The following ADAMTS3 variants were observed in gnomAD, a reference collection of about 807,000 sequenced individuals.
ADAMTS3 encodes A disintegrin and metalloproteinase with thrombospondin motifs 3.
A neutral mutation model predicts 129.0 loss-of-function variants in ADAMTS3; 73 were observed. That is an observed-to-expected ratio of 0.57 (90% CI 0.47 to 0.69). The LOEUF (loss-of-function observed/expected upper bound fraction) is 0.69, where lower values mean the gene tolerates loss of function less well. Among genes scored for constraint, ADAMTS3 ranks in the 30% least tolerant of loss-of-function variants. ADAMTS3 has a pLI of 0.00. For missense variants in ADAMTS3, 1,457 were observed against 1,514.5 expected, an observed-to-expected ratio of 0.96 and a Z score of 0.63; for synonymous variants, 477 against 510.8, an observed-to-expected ratio of 0.93 and a Z score of 0.89.
chr4:72,521,159 A>G (rs1424349944), intron 3 of ADAMTS3, among the ~76,000 whole-genome samples: 3 of 151,836 alleles, frequency 2.0e-5, no homozygotes, highest in Non-Finnish European at 4.4e-5. Context: ...CACCACCCCC[A>G]GCTAATTTTT....
intron 3 of ADAMTS3, among the ~76,000 whole-genome samples, chr4:72,454,647 T>C (rs1718494233): frequency 6.6e-6 from 1 of 151,630 alleles, no homozygotes; most frequent in Non-Finnish European, 1.5e-5. Flanking sequence ...CTCATCTTAA[T>C]TCAAAAATTA....
Position 72,283,138 on chromosome 4 carries a change from ATCTT to A in ADAMTS3, c.3612_3615del (p.Glu1204AspfsTer9), listed in dbSNP as rs778146280. 1.1e-5 allele frequency: 17 copies of A among 1,592,054 alleles called. No homozygotes were observed. The African/African-American group carries it at 1.4e-4, about 13-fold the overall frequency. The stretch of plus-strand genomic sequence containing the variant: ...TCTAGCCTTTTTGGTTCACTTTCTC[ATCTT>A]TCTAAGGTGGATGATCTTGTCGGAC... On this transcript the variant is annotated frameshift_variant, in exon 22 of 22. Transcript: ENST00000286657. LOFTEE classifies it high-confidence loss of function.
chr4:72,313,597 A>C (rs1719303651), intron 12 of ADAMTS3, 80 bp downstream of exon 12: 4 of 1,466,104 alleles, frequency 2.7e-6, no homozygotes, highest in Non-Finnish European at 3.7e-6. Context: ...TGCACTTTAT[A>C]AAACAGAATA....
At chr4:72,494,280 T>C (rs1719819883) in intron 3 of ADAMTS3, among the ~76,000 whole-genome samples, 1 of 152,138 alleles carries the variant, frequency 6.6e-6, no homozygotes, top group African/African-American at 2.4e-5. Flanking sequence ...TTCTTTGTCC[T>C]TCTTTGACTG....
intron 3 of ADAMTS3, among the ~76,000 whole-genome samples, chr4:72,416,601 G>T (rs2109928426): frequency 6.6e-6 from 1 of 152,070 alleles, no homozygotes; most frequent in East Asian, 1.9e-4. Flanking sequence ...TTCCTTATCT[G>T]ACTAATTACT....
intron 4 of ADAMTS3, among the ~76,000 whole-genome samples, chr4:72,399,019 G>C (rs1653695407): frequency 6.6e-6 from 1 of 152,188 alleles, no homozygotes; most frequent in Non-Finnish European, 1.5e-5. Flanking sequence ...TGTCACACTA[G>C]TTGTTCTACT....
intron 3 of ADAMTS3, among the ~76,000 whole-genome samples, chr4:72,438,948 CA>C (rs1718040260): frequency 6.6e-6 from 1 of 151,726 alleles, no homozygotes; most frequent in Non-Finnish European, 1.5e-5. Context: ...ACCTAACTCA[CA>C]TATATCCACT....
chr4:72,469,507 T>C (rs1719007488), intron 3 of ADAMTS3, among the ~76,000 whole-genome samples: 1 of 152,128 alleles, frequency 6.6e-6, no homozygotes, highest in Non-Finnish European at 1.5e-5. Flanking sequence ...TGGCATTCAT[T>C]AGACGACTAA....
At chr4:72,428,582 C>T (rs1314100410) in intron 3 of ADAMTS3, among the ~76,000 whole-genome samples, 1 of 151,930 alleles carries the variant, frequency 6.6e-6, no homozygotes, top group Admixed American at 6.6e-5. Flanking sequence ...ATTAACATAC[C>T]TAATTTCCAG....
intron 4 of ADAMTS3, among the ~76,000 whole-genome samples, chr4:72,400,091 ACG>A (rs1721859758): frequency 3.6e-5 from 2 of 55,078 alleles, no homozygotes; most frequent in African/African-American, 1.0e-4. Flanking sequence ...GTGTGTATAT[ACG>A]TGTGTATATA....
chr4:72,477,763 T>C (rs1207382266), intron 3 of ADAMTS3, among the ~76,000 whole-genome samples: 1 of 152,026 alleles, frequency 6.6e-6, no homozygotes, highest in Non-Finnish European at 1.5e-5. Flanking sequence ...GCTGGTTTTT[T>C]GAAAGGATCA....
At chr4:72,310,553 A>AT (rs974734569) in intron 14 of ADAMTS3, among the ~76,000 whole-genome samples, 2 of 152,112 alleles carry the variant, frequency 1.3e-5, no homozygotes, top group African/African-American at 4.8e-5. Context: ...TTAACCTGAG[A>AT]TTAAATGGAG....
chr4:72,527,576 A>G (rs1035983882), intron 3 of ADAMTS3, among the ~76,000 whole-genome samples: 9 of 152,170 alleles, frequency 5.9e-5, no homozygotes, highest in Non-Finnish European at 1.2e-4. Context: ...ATATACTCCC[A>G]AGAAGCAGCG....
At chr4:72,305,615 C>T (rs1418015215) in intron 16 of ADAMTS3, among the ~76,000 whole-genome samples, 4 of 151,894 alleles carry the variant, frequency 2.6e-5, no homozygotes, top group Admixed American at 6.6e-5. Flanking sequence ...TAAAGCTCTA[C>T]TTTTTTTATG....
chr4:72,380,532 C>G (rs1032591707), intron 4 of ADAMTS3, among the ~76,000 whole-genome samples: 1 of 152,122 alleles, frequency 6.6e-6, no homozygotes, highest in African/African-American at 2.4e-5. Context: ...ACAAGCATAG[C>G]CTATTTCATC....
chr4:72,559,319 T>C (rs926245792), intron 2 of ADAMTS3, among the ~76,000 whole-genome samples: 2 of 151,796 alleles, frequency 1.3e-5, no homozygotes, highest in African/African-American at 4.9e-5. Context: ...AGTAAAAGAG[T>C]TGTATCTGGT....
At chr4:72,456,092 A>ACATATAGTATATATACTATATATATTT (rs1718586704) in intron 3 of ADAMTS3, among the ~76,000 whole-genome samples, 2 of 4,304 alleles carry the variant, frequency 4.6e-4, no homozygotes, top group African/African-American at 1.2e-3. Context: ...TATATATTTT[A>ACATATAGTATATATACTATATATATTT]TATATATAGT....
At chr4:72,541,425 T>C (rs1407910740) in intron 3 of ADAMTS3, among the ~76,000 whole-genome samples, 1 of 152,212 alleles carries the variant, frequency 6.6e-6, no homozygotes, top group African/African-American at 2.4e-5. Flanking sequence ...GACTTTGGAC[T>C]GCGGACTTTT....
At chr4:72,426,831 C>A (rs952318443) in intron 3 of ADAMTS3, among the ~76,000 whole-genome samples, 1 of 152,068 alleles carries the variant, frequency 6.6e-6, no homozygotes, top group African/African-American at 2.4e-5. Flanking sequence ...GAGGTCAAGA[C>A]TGCAGTGAGC....
Sources: gnomAD v4.1 joint callset for allele counts (sites outside exome capture counted in the v4.1 genomes callset) on GRCh38, gnomAD v4.1.1 for gene constraint, MANE v1.5 for transcripts, NCBI Gene and HGNC (gene_info 2026-07-23, HGNC 2026-07-21) for gene names.